ASPH: variants seen among roughly 807,000 people sequenced by gnomAD.
The protein encoded by ASPH is aspartyl/asparaginyl beta-hydroxylase.
Under a neutral mutation model 118.4 loss-of-function variants are expected in ASPH, and 100 were observed. The ratio of observed to expected loss-of-function variants is 0.84; its 90% CI spans 0.72 to 1.00. ASPH has a LOEUF of 1.00. Among genes scored for constraint, ASPH ranks in the 50% least tolerant of loss-of-function variants. ASPH has a pLI of 0.00. For missense variants in ASPH, 920 were observed against 919.5 expected, an observed-to-expected ratio of 1.00 and a Z score of -0.01; for synonymous variants, 315 against 325.6, an observed-to-expected ratio of 0.97 and a Z score of 0.35.
chr8:61,635,413 A>C (rs374211234), intron 12 of ASPH, among the ~76,000 whole-genome samples: 21 of 152,190 alleles, frequency 1.4e-4, no homozygotes, highest in African/African-American at 4.8e-4. Context: ...CCAAATGTTT[A>C]TATTCATCTT....
intron 14 of ASPH, among the ~76,000 whole-genome samples, chr8:61,589,831 T>C (rs73265168): frequency 0.018 from 2,812 of 152,270 alleles, 86 homozygotes; most frequent in African/African-American, 0.064. Context: ...GGGGAAGACA[T>C]ACATGAATAA....
chr8:61,521,913 A>G (rs1813194971), intron 22 of ASPH, among the ~76,000 whole-genome samples: 1 of 152,156 alleles, frequency 6.6e-6, no homozygotes, highest in African/African-American at 2.4e-5. Flanking sequence ...CTTGCATGAC[A>G]ATTCTGATCA....
rs373501060 is a variant in ASPH, at chr8:61,646,821, T to C, written c.548A>G (p.Asp183Gly). 2.5e-5 allele frequency: 40 copies of C among 1,613,882 alleles called. No individual in the cohort carries two copies. The South Asian group carries it at 2.5e-4, about 10-fold the overall frequency. ...DGPTGEPQQE[D>G]DEFLMATDVD... ...ATCAGTCGCCATAAGAAACTCATCA[T>C]CCTCTTGTTGTGGTTCTCCTGTGGG... The change falls in exon 6 of 25, where the codon GAT becomes GGT. Residue 183 changes from aspartate to glycine, a missense_variant. Transcript: ENST00000379454.
chr8:61,702,805 T>G (rs1383946246), intron 1 of ASPH, among the ~76,000 whole-genome samples: 1 of 152,166 alleles, frequency 6.6e-6, no homozygotes, highest in Admixed American at 6.5e-5. Context: ...TGGTTTTAAA[T>G]TAGAGCATCT....
At position 61,503,374 on chromosome 8, in the gene ASPH, G is replaced by T. The variant is rs192951706; in HGVS notation, c.2262C>A (p.Ser754Arg). ...TGAATTCATGCTAAATTGCTGGAAG[G>T]CTGCGTCTCTGCTGTGGTGTCAGTT... Reference protein sequence around the residue: ...HPELTPQQRRSLPAI With the variant: ...HPELTPQQRRRLPAI Residue 754 changes from serine to arginine, a missense_variant, in exon 25 of 25, where the codon AGC (serine) becomes AGA (arginine). Transcript: ENST00000379454. The T allele has an allele frequency of 6.2e-7, 1 of 1,606,200 alleles. No homozygotes were observed. Among genetic ancestry groups the T allele is most frequent in the Admixed American group, 1.7e-5 (1 of 59,266 alleles).
chr8:61,521,122 T>C (rs1020844026), intron 22 of ASPH, among the ~76,000 whole-genome samples: 1 of 152,134 alleles, frequency 6.6e-6, no homozygotes, highest in East Asian at 1.9e-4. Context: ...GAGTGCCTCA[T>C]TTGATGTCTA....
chr8:61,637,548 T>A (rs1858388097), intron 12 of ASPH, among the ~76,000 whole-genome samples: 1 of 151,746 alleles, frequency 6.6e-6, no homozygotes, highest in South Asian at 2.1e-4. Context: ...AAAAAAAAAA[T>A]TTGTTTTGTT....
chr8:61,676,170 C>T (rs1451916801), intron 3 of ASPH: 12 of 1,599,130 alleles, frequency 7.5e-6, no homozygotes, highest in Non-Finnish European at 1.0e-5. Flanking sequence ...TCGCTTTCTT[C>T]TTCTTCTTCT....
At chr8:61,648,386 T>C (rs747377485) in intron 5 of ASPH, among the ~76,000 whole-genome samples, 1 of 152,228 alleles carries the variant, frequency 6.6e-6, no homozygotes, top group African/African-American at 2.4e-5. Context: ...CCTATTTATG[T>C]TGATGCTATT....
At chr8:61,674,588 GA>G in intron 3 of ASPH, among the ~76,000 whole-genome samples, 1 of 152,282 alleles carries the variant, frequency 6.6e-6, no homozygotes, top group East Asian at 1.9e-4. Context: ...TTTTTAATAA[GA>G]TTAGCAAATT....
At chr8:61,616,463 T>C (rs1328486650) in intron 14 of ASPH, among the ~76,000 whole-genome samples, 1 of 152,186 alleles carries the variant, frequency 6.6e-6, no homozygotes, top group African/African-American at 2.4e-5. Flanking sequence ...CCTCTCTTTG[T>C]AAGAATGCAT....
Position 61,584,092 on chromosome 8 carries a change from A to C in ASPH, c.977-63T>G, listed in dbSNP as rs1838495049. The C allele has an allele frequency of 4.6e-6, 5 of 1,082,900 alleles. No individual in the cohort carries two copies. The South Asian group carries it at 7.4e-5, about 16-fold the overall frequency. The allele number at this position is 1,082,900 out of a possible 1,614,324, so 67.1% of individuals were successfully genotyped here. A position where few individuals can be genotyped will look rare whatever the true frequency, so the allele number is the denominator to read the frequency against. ...TGACTAGAAATAGTTATTAAGCATAACAATTTACAAGTAGTGGGAAACCTG... is the reference window on the plus strand; with the variant it reads ...TGACTAGAAATAGTTATTAAGCATACCAATTTACAAGTAGTGGGAAACCTG... On this transcript the variant is annotated intron_variant, in intron 14 of 24. Coordinates refer to ENST00000379454, the MANE Select transcript of ASPH (RefSeq NM_004318.4).
intron 21 of ASPH, among the ~76,000 whole-genome samples, chr8:61,530,072 T>C (rs1007175771): frequency 1.3e-5 from 2 of 152,218 alleles, no homozygotes; most frequent in African/African-American, 4.8e-5. Context: ...TCTACACTAA[T>C]ACCACCCACT....
chr8:61,573,470 A>G (rs1168582066), intron 16 of ASPH, among the ~76,000 whole-genome samples: 1 of 152,226 alleles, frequency 6.6e-6, no homozygotes, highest in Non-Finnish European at 1.5e-5. Flanking sequence ...ACTACACTAC[A>G]AGGCTATAGT....
chr8:61,626,120 G>C (rs1852689180), intron 13 of ASPH: 1 of 1,251,356 alleles, frequency 8.0e-7, no homozygotes, highest in Non-Finnish European at 1.0e-6. Context: ...TAAAATGCCA[G>C]TGGACTATAA....
At position 61,653,738 on chromosome 8, in the gene ASPH, T is replaced by G. The variant is rs561626802; in HGVS notation, c.323-78A>C. On this transcript the variant is annotated intron_variant, in intron 3 of 24. Coordinates refer to ENST00000379454, the MANE Select transcript of ASPH (RefSeq NM_004318.4). ...ACATTAAACCAGGAAAAATAATATT[T>G]TCAAACATTTAATTAATAGTGCTGC... is the stretch of plus-strand genomic sequence containing the variant. The G allele has an allele frequency of 2.2e-5, 30 of 1,391,670 alleles. No homozygotes were observed. In the South Asian group the frequency reaches 3.7e-4, roughly 17 times the overall value. 86.2% of individuals were successfully genotyped at this position (1,391,670 alleles called of 1,614,324 possible).
chr8:61,523,042 G>A (rs924095101), intron 22 of ASPH, among the ~76,000 whole-genome samples: 22 of 152,156 alleles, frequency 1.4e-4, no homozygotes, highest in African/African-American at 5.1e-4. Flanking sequence ...ATCAGCCTTA[G>A]GCATTCGACT....
intron 14 of ASPH, among the ~76,000 whole-genome samples, chr8:61,598,609 A>T (rs1214536306): frequency 6.6e-6 from 1 of 152,160 alleles, no homozygotes; most frequent in East Asian, 1.9e-4. Flanking sequence ...CAAAATAAAC[A>T]CTGGATTTAA....
chr8:61,642,970 C>T (rs771692006), intron 9 of ASPH, 50 bp from the exon 10 acceptor site: 2 of 1,466,750 alleles, frequency 1.4e-6, no homozygotes, highest in Admixed American at 2.5e-5. Flanking sequence ...CTGAGTCATT[C>T]TATACAATTG....
Sources: gnomAD v4.1 joint callset for allele counts (sites outside exome capture counted in the v4.1 genomes callset) on GRCh38, gnomAD v4.1.1 for gene constraint, MANE v1.5 for transcripts, NCBI Gene and HGNC (gene_info 2026-07-23, HGNC 2026-07-21) for gene names.